NSMCE2: variants seen among roughly 807,000 people sequenced by gnomAD.
NSMCE2 encodes the protein E3 SUMO-protein ligase NSE2.
In NSMCE2, 24 loss-of-function variants were observed where a neutral mutation model predicts 23.8. That is an observed-to-expected ratio of 1.01 (90% CI 0.73 to 1.42). The LOEUF is 1.42. Among genes scored for constraint, NSMCE2 ranks in the 40% most tolerant of loss-of-function variants. The pLI, the probability that NSMCE2 is intolerant of heterozygous loss-of-function variation, is 0.00. For synonymous variants in NSMCE2, 92 were observed against 94.1 expected, an observed-to-expected ratio of 0.98 and a Z score of 0.13; for missense variants, 284 against 296.5, an observed-to-expected ratio of 0.96 and a Z score of 0.31.
At chr8:125,317,738 G>A (rs1829268249) in intron 5 of NSMCE2, among the ~76,000 whole-genome samples, 1 of 152,182 alleles carries the variant, frequency 6.6e-6, no homozygotes, top group South Asian at 2.1e-4. Flanking sequence ...ATGCATTTGA[G>A]ATATAAAGCC....
chr8:125,298,350 T>C (rs1828410971), intron 5 of NSMCE2, among the ~76,000 whole-genome samples: 2 of 152,216 alleles, frequency 1.3e-5, no homozygotes, highest in Admixed American at 1.3e-4. Flanking sequence ...ACCACAGCCC[T>C]TTGAGGCATG....
intron 5 of NSMCE2, among the ~76,000 whole-genome samples, chr8:125,219,113 A>C (rs1167350933): frequency 6.6e-6 from 1 of 152,164 alleles, no homozygotes; most frequent in East Asian, 1.9e-4. Context: ...CTTTAATGGG[A>C]TAAACTTTTA....
intron 5 of NSMCE2, among the ~76,000 whole-genome samples, chr8:125,279,435 A>G (rs1223967874): frequency 1.3e-5 from 2 of 152,244 alleles, no homozygotes; most frequent in Non-Finnish European, 2.9e-5. Flanking sequence ...AAGTAAATGT[A>G]TAATGGGGTA....
chr8:125,262,099 A>C (rs1400720963), intron 5 of NSMCE2, among the ~76,000 whole-genome samples: 1 of 150,282 alleles, frequency 6.7e-6, no homozygotes, highest in Non-Finnish European at 1.5e-5. Context: ...TCTGTCTCAA[A>C]ATAAAATAAA....
At chr8:125,303,412 A>G (rs952410607) in intron 5 of NSMCE2, among the ~76,000 whole-genome samples, 1 of 152,212 alleles carries the variant, frequency 6.6e-6, no homozygotes, top group Non-Finnish European at 1.5e-5. Flanking sequence ...ATCTTAACTC[A>G]TGCTGCACGA....
chr8:125,318,671 GA>G (rs946043573), intron 5 of NSMCE2, among the ~76,000 whole-genome samples: 4 of 149,548 alleles, frequency 2.7e-5, no homozygotes, highest in Non-Finnish European at 4.5e-5. Flanking sequence ...AAATAACAGA[GA>G]AAAAAAAAGA....
At chr8:125,329,792 C>T (rs1232192030) in intron 5 of NSMCE2, among the ~76,000 whole-genome samples, 2 of 152,186 alleles carry the variant, frequency 1.3e-5, no homozygotes, top group African/African-American at 4.8e-5. Flanking sequence ...TGCAACCTGC[C>T]TCATAGAGTT....
intron 7 of NSMCE2, chr8:125,363,146 G>C (rs1466369875): frequency 2.0e-5 from 3 of 152,152 alleles, no homozygotes; most frequent in African/African-American, 7.2e-5. Context: ...ATGATACTTG[G>C]CTTTTCTAGT....
intron 3 of NSMCE2, among the ~76,000 whole-genome samples, chr8:125,125,269 T>C (rs1819458755): frequency 6.6e-6 from 1 of 152,210 alleles, no homozygotes; most frequent in South Asian, 2.1e-4. Flanking sequence ...GGCAACAGCA[T>C]CTTTCAATAT....
At chr8:125,280,881 A>G (rs1827663453) in intron 5 of NSMCE2, among the ~76,000 whole-genome samples, 1 of 152,194 alleles carries the variant, frequency 6.6e-6, no homozygotes, top group Non-Finnish European at 1.5e-5. Context: ...CTATATTTGG[A>G]TTGAATAAAC....
chr8:125,093,761 A>C (rs1424326132), intron 1 of NSMCE2, among the ~76,000 whole-genome samples: 2 of 151,972 alleles, frequency 1.3e-5, no homozygotes, highest in African/African-American at 4.8e-5. Flanking sequence ...ACTGAAGAGA[A>C]GGTTTTCTCA....
At chr8:125,336,484 A>G (rs1160416526) in intron 5 of NSMCE2, among the ~76,000 whole-genome samples, 1 of 152,088 alleles carries the variant, frequency 6.6e-6, no homozygotes, top group Non-Finnish European at 1.5e-5. Context: ...GGAGAAGGGG[A>G]AGGAGGATTG....
intron 3 of NSMCE2, among the ~76,000 whole-genome samples, chr8:125,134,349 T>C (rs1301507400): frequency 1.3e-5 from 2 of 152,222 alleles, no homozygotes; most frequent in Non-Finnish European, 2.9e-5. Context: ...GGAAGTATTA[T>C]GGCAAGTCTG....
chr8:125,253,612 G>C (rs185939106), intron 5 of NSMCE2, among the ~76,000 whole-genome samples: 18 of 152,260 alleles, frequency 1.2e-4, no homozygotes, highest in Admixed American at 1.1e-3. Flanking sequence ...ATTAGTTTGA[G>C]AATACAGATA....
In NSMCE2 at chr8:125,238,510, T is replaced by A. The variant is rs1349488954; in HGVS notation, c.418+56254T>A. On this transcript the variant is annotated intron_variant, in intron 5 of 7. Coordinates refer to ENST00000287437, the MANE Select transcript of NSMCE2 (RefSeq NM_173685.4). ...AACTCTTAAGCAAATCCTGGAATTT[T>A]AAAAAAATTGAATAGTGTATCAAAT... 5.9e-5 allele frequency among the ~76,000 whole-genome samples: 9 copies of A among 152,288 alleles called. 1 individual carries two copies. Among genetic ancestry groups the A allele is most frequent in the East Asian group, 3.9e-4 (2 of 5,188 alleles).
intron 2 of NSMCE2, 32 bp from the exon 3 acceptor site, chr8:125,102,285 C>G (rs571889069): frequency 4.7e-6 from 7 of 1,483,202 alleles, no homozygotes; most frequent in Non-Finnish European, 6.6e-6. Flanking sequence ...TTCTGACTTA[C>G]GAATCTTGTT....
intron 5 of NSMCE2, among the ~76,000 whole-genome samples, chr8:125,313,116 GGAAAGAAGGAAGGAAGGAAGGAGAAA>G (rs1829034520): frequency 4.9e-5 from 7 of 142,488 alleles, no homozygotes; most frequent in African/African-American, 7.8e-5. Context: ...AAAAAAAAAG[GGAAAGAAGGAAGGAAGGAAGGAGAAA>G]GAAAGAAGGA....
intron 5 of NSMCE2, chr8:125,182,575 A>G (rs778336593): frequency 9.7e-5 from 41 of 423,130 alleles, no homozygotes; most frequent in Admixed American, 2.2e-4. Flanking sequence ...TTAAATAACA[A>G]TGGTATCGTT....
intron 5 of NSMCE2, among the ~76,000 whole-genome samples, chr8:125,345,566 G>A (rs1307945648): frequency 6.6e-6 from 1 of 152,198 alleles, no homozygotes; most frequent in Non-Finnish European, 1.5e-5. Context: ...TTCTGGTAGG[G>A]AAGATAGAGA....
Sources: gnomAD v4.1 joint callset for allele counts (sites outside exome capture counted in the v4.1 genomes callset) on GRCh38, gnomAD v4.1.1 for gene constraint, MANE v1.5 for transcripts, NCBI Gene and HGNC (gene_info 2026-07-23, HGNC 2026-07-21) for gene names.